EGFLAM: variants seen among roughly 807,000 people sequenced by gnomAD.
EGFLAM encodes EGF like, fibronectin type III and laminin G domains.
EGFLAM carries 79 observed loss-of-function variants against 113.1 expected under a neutral mutation model. That is an observed-to-expected ratio of 0.70 (90% CI 0.58 to 0.84). EGFLAM has a LOEUF of 0.84. EGFLAM is among the 40% of genes least tolerant of loss of function. EGFLAM has a pLI of 0.00. For missense variants in EGFLAM, 1,265 were observed against 1,291.6 expected, an observed-to-expected ratio of 0.98 and a Z score of 0.32; for synonymous variants, 504 against 487.6, an observed-to-expected ratio of 1.03 and a Z score of -0.44.
At chr5:38,431,397 C>A in intron 15 of EGFLAM, 109 bp downstream of exon 15, 3 of 1,059,564 alleles carry the variant, frequency 2.8e-6, no homozygotes, top group Non-Finnish European at 4.1e-6. Flanking sequence ...ACATGGACTT[C>A]AGTGCCTGTG....
At chr5:38,318,434 A>G (rs1472036566) in intron 1 of EGFLAM, among the ~76,000 whole-genome samples, 1 of 151,464 alleles carries the variant, frequency 6.6e-6, no homozygotes, top group East Asian at 1.9e-4. Context: ...TATGCTATAT[A>G]TACTATAGTA....
chr5:38,269,090 G>T (rs1458624509), intron 1 of EGFLAM, among the ~76,000 whole-genome samples: 3 of 152,058 alleles, frequency 2.0e-5, no homozygotes, highest in Admixed American at 2.0e-4. Context: ...GAGGTGGGAG[G>T]ATCACCTGAG....
At chr5:38,343,261 C>A (rs1739386901) in intron 3 of EGFLAM, among the ~76,000 whole-genome samples, 1 of 152,034 alleles carries the variant, frequency 6.6e-6, no homozygotes, top group Non-Finnish European at 1.5e-5. Flanking sequence ...AAAAAATTAG[C>A]CAGGTTTGGT....
chr5:38,362,147 T>G (rs1739940275), intron 5 of EGFLAM, among the ~76,000 whole-genome samples: 2 of 152,140 alleles, frequency 1.3e-5, no homozygotes, highest in Non-Finnish European at 2.9e-5. Context: ...ATGCCCCACT[T>G]CAATCCCAAC....
At chr5:38,276,559 G>T (rs1294568373) in intron 1 of EGFLAM, among the ~76,000 whole-genome samples, 5 of 151,744 alleles carry the variant, frequency 3.3e-5, no homozygotes, top group African/African-American at 7.3e-5. Context: ...ATTAGTGGAA[G>T]AGAATAATAA....
At chr5:38,457,681 G>C (rs551150185) in intron 19 of EGFLAM, among the ~76,000 whole-genome samples, 2 of 152,128 alleles carry the variant, frequency 1.3e-5, no homozygotes, top group African/African-American at 4.8e-5. Flanking sequence ...TGAATTTGGC[G>C]GGTGGAGGGA....
At chr5:38,319,187 A>T (rs934835972) in intron 1 of EGFLAM, among the ~76,000 whole-genome samples, 2 of 152,120 alleles carry the variant, frequency 1.3e-5, no homozygotes, top group African/African-American at 4.8e-5. Flanking sequence ...CTGGAGTGAG[A>T]CATTCTCTTT....
intron 6 of EGFLAM, among the ~76,000 whole-genome samples, chr5:38,389,830 G>A (rs1740763937): frequency 6.6e-6 from 1 of 151,858 alleles, no homozygotes; most frequent in Admixed American, 6.6e-5. Flanking sequence ...ATTTTACTTA[G>A]CATTCTGACA....
At chr5:38,286,398 T>A (rs1042049033) in intron 1 of EGFLAM, 6 of 152,240 alleles carry the variant, frequency 3.9e-5, no homozygotes, top group Non-Finnish European at 8.8e-5. Context: ...CCCAAGTGAA[T>A]ACTCTGACAC....
At chr5:38,350,443 C>A in intron 3 of EGFLAM, 58 bp from the exon 4 acceptor site, 2 of 1,526,776 alleles carry the variant, frequency 1.3e-6, no homozygotes, top group South Asian at 2.4e-5. Context: ...GGAAATTGTA[C>A]AATTTGCCCA....
intron 19 of EGFLAM, among the ~76,000 whole-genome samples, chr5:38,456,184 ATATGT>A (rs1369966772): frequency 6.6e-6 from 1 of 152,034 alleles, no homozygotes; most frequent in East Asian, 1.9e-4. Context: ...TGCTTCCTAC[ATATGT>A]CATGTTACTT....
chr5:38,440,877 G>A (rs1053441870), intron 17 of EGFLAM, among the ~76,000 whole-genome samples: 1 of 152,198 alleles, frequency 6.6e-6, no homozygotes, highest in Non-Finnish European at 1.5e-5. Context: ...TCGTCAGTGA[G>A]TCTGGGTCTT....
chr5:38,359,092 A>G (rs1739851949), intron 5 of EGFLAM, among the ~76,000 whole-genome samples: 2 of 152,164 alleles, frequency 1.3e-5, no homozygotes, highest in South Asian at 4.1e-4. Context: ...CCTTCTGCCT[A>G]AGAATTTCCC....
At chr5:38,400,476 A>G (rs1741079500) in intron 6 of EGFLAM, among the ~76,000 whole-genome samples, 1 of 152,180 alleles carries the variant, frequency 6.6e-6, no homozygotes, top group South Asian at 2.1e-4. Context: ...TAATTACAAT[A>G]ACCCCAGGCT....
chr5:38,323,272 T>A (rs1345095980), intron 1 of EGFLAM, among the ~76,000 whole-genome samples: 1 of 152,222 alleles, frequency 6.6e-6, no homozygotes, highest in East Asian at 1.9e-4. Context: ...TCGCTCAGAA[T>A]TTGAAGTATT....
chr5:38,345,449 T>G (rs1257081989), intron 3 of EGFLAM: 1 of 152,236 alleles, frequency 6.6e-6, no homozygotes, highest in African/African-American at 2.4e-5. Flanking sequence ...TGATTTTCTC[T>G]TCTATAGATG....
chr5:38,309,822 AG>A (rs1225377602), intron 1 of EGFLAM, among the ~76,000 whole-genome samples: 1 of 152,238 alleles, frequency 6.6e-6, no homozygotes, highest in Non-Finnish European at 1.5e-5. Context: ...AGTCCACTTC[AG>A]GACAGTAAAT....
At chr5:38,270,344 T>C (rs1027825096) in intron 1 of EGFLAM, among the ~76,000 whole-genome samples, 1 of 152,234 alleles carries the variant, frequency 6.6e-6, no homozygotes, top group Non-Finnish European at 1.5e-5. Context: ...CCATCCTTTT[T>C]AGTAGCAAAT....
At chr5:38,442,364 C>A (rs1742573249) in intron 17 of EGFLAM, among the ~76,000 whole-genome samples, 1 of 146,246 alleles carries the variant, frequency 6.8e-6, no homozygotes, top group Admixed American at 6.8e-5. Flanking sequence ...ATTATATTAA[C>A]ATAATATGTT....
Sources: allele counts gnomAD v4.1 joint callset (sites outside exome capture counted in the v4.1 genomes callset), GRCh38; gene constraint gnomAD v4.1.1; transcripts MANE v1.5; gene names NCBI Gene and HGNC (gene_info 2026-07-23, HGNC 2026-07-21).